TYW1B: variants seen among roughly 807,000 people sequenced by gnomAD.
TYW1B encodes the protein S-adenosyl-L-methionine-dependent tRNA 4-demethylwyosine synthase TYW1B.
A neutral mutation model predicts 86.9 loss-of-function variants in TYW1B; 73 were observed. The observed-to-expected ratio is 0.84, with a 90% confidence interval of 0.70 to 1.02. The LOEUF is 1.02. TYW1B is among the 50% of genes least tolerant of loss of function. The probability of loss-of-function intolerance (pLI) is 0.00; values close to 1 mark genes in which losing one functional copy is unlikely to be tolerated. For missense variants in TYW1B, 637 were observed against 827.4 expected (o/e 0.77, Z 2.82); for synonymous variants, 248 against 292.8 (o/e 0.85, Z 1.56).
At chr7:72,640,090 AAAAT>A (rs1782858343) in intron 11 of TYW1B, among the ~76,000 whole-genome samples, 1 of 152,228 alleles carries the variant, frequency 6.6e-6, no homozygotes, top group Non-Finnish European at 1.5e-5. Context: ...CAATAATAAA[AAAAT>A]AAATATTAAA....
At chr7:72,590,849 T>A (rs1402218159) in intron 13 of TYW1B, among the ~76,000 whole-genome samples, 2 of 152,056 alleles carry the variant, frequency 1.3e-5, no homozygotes, top group Non-Finnish European at 2.9e-5. Context: ...CAACAGAAAC[T>A]GACCCTGAGA....
chr7:72,767,284 C>T (rs1787786801), intron 7 of TYW1B, among the ~76,000 whole-genome samples: 1 of 152,176 alleles, frequency 6.6e-6, no homozygotes, highest in Non-Finnish European at 1.5e-5. Context: ...AAAACAATTA[C>T]ATAATCCTCC....
intron 12 of TYW1B, 101 bp downstream of exon 12, chr7:72,628,786 G>T: frequency 1.3e-6 from 1 of 792,282 alleles, no homozygotes; most frequent in Non-Finnish European, 2.0e-6. Flanking sequence ...AAAATTCCTG[G>T]GACCTCTAGA....
At chr7:72,812,834 T>A (rs1436593269) in intron 3 of TYW1B, among the ~76,000 whole-genome samples, 3 of 151,836 alleles carry the variant, frequency 2.0e-5, no homozygotes, top group Admixed American at 2.0e-4. Context: ...TAGCTGGGAC[T>A]ACAGGCGTGC....
chr7:72,825,304 G>T (rs1204691011), intron 2 of TYW1B, among the ~76,000 whole-genome samples: 3 of 152,066 alleles, frequency 2.0e-5, no homozygotes, highest in African/African-American at 7.2e-5. Context: ...CTTTCAACTA[G>T]ATATCAGCTG....
chr7:72,669,014 TAC>T (rs1813529474), intron 11 of TYW1B, among the ~76,000 whole-genome samples: 1 of 151,614 alleles, frequency 6.6e-6, no homozygotes, highest in South Asian at 2.1e-4. Context: ...TGAAATATAC[TAC>T]ACACAAAGCA....
intron 11 of TYW1B, among the ~76,000 whole-genome samples, chr7:72,677,952 T>C (rs1412137852): frequency 6.6e-6 from 1 of 152,102 alleles, no homozygotes; most frequent in Non-Finnish European, 1.5e-5. Flanking sequence ...TCCACCCACC[T>C]CAGTCTCCAA....
intron 11 of TYW1B, among the ~76,000 whole-genome samples, chr7:72,669,088 C>T (rs1480102457): frequency 7.1e-6 from 1 of 140,642 alleles, no homozygotes; most frequent in African/African-American, 2.6e-5. Context: ...GTCATTTATA[C>T]ACAAAAATTA....
At chr7:72,794,769 G>A (rs1293402698) in intron 6 of TYW1B, among the ~76,000 whole-genome samples, 6 of 151,386 alleles carry the variant, frequency 4.0e-5, no homozygotes, top group African/African-American at 7.3e-5. Flanking sequence ...AGGAGAGTGA[G>A]CACAAAGACC....
chr7:72,813,456 G>A (rs1341960819), intron 3 of TYW1B, among the ~76,000 whole-genome samples: 4 of 152,224 alleles, frequency 2.6e-5, no homozygotes, highest in African/African-American at 9.6e-5. Flanking sequence ...GATTACAGGC[G>A]TGGGCCACCA....
At chr7:72,792,477 G>C (rs1788237045) in intron 6 of TYW1B, among the ~76,000 whole-genome samples, 2 of 152,182 alleles carry the variant, frequency 1.3e-5, no homozygotes, top group South Asian at 4.1e-4. Context: ...GACAAGATTT[G>C]AAAGATTGGT....
chr7:72,736,579 T>C (rs782658652), intron 8 of TYW1B, among the ~76,000 whole-genome samples: 3 of 152,148 alleles, frequency 2.0e-5, no homozygotes, highest in Non-Finnish European at 4.4e-5. Context: ...TTTAAACGTT[T>C]TGTCATTCCC....
intron 6 of TYW1B, among the ~76,000 whole-genome samples, chr7:72,796,759 T>C (rs1309148406): frequency 6.6e-6 from 1 of 150,424 alleles, no homozygotes; most frequent in African/African-American, 2.4e-5. Context: ...CCCTTTATCA[T>C]AAGGAATGCT....
In TYW1B at chr7:72,730,593, A is replaced by G. The variant is rs1203587213; in HGVS notation, c.1083-1662T>C. On this transcript the variant is annotated intron_variant, in intron 8 of 13. Transcript: ENST00000620995. ...AAAAGAAAAAGAAAAGGAAAAGAAGAAGGAGGAGGAAGAGGAGAAGAAGAG... is the reference window on the plus strand; with the variant it reads ...AAAAGAAAAAGAAAAGGAAAAGAAGGAGGAGGAGGAAGAGGAGAAGAAGAG... Among the ~76,000 whole-genome samples, 5 of 150,662 alleles carry G rather than the reference A, an allele frequency of 3.3e-5. No homozygotes were observed. In the South Asian group the frequency reaches 6.3e-4, roughly 19 times the overall value.
rs372209209 is a variant in TYW1B, at chr7:72,753,536, A to T, written c.965-8935T>A. On this transcript the variant is annotated intron_variant, in intron 7 of 13. Transcript: ENST00000620995. ...TGCTCTGTTGCCCAGCCTGGAGTGC[A>T]GTGGCACAATCTTGGCTCACTGCAA... Among the ~76,000 whole-genome samples, 5 of 145,432 alleles carry T rather than the reference A, an allele frequency of 3.4e-5. No individual in the cohort carries two copies. In the East Asian group the frequency reaches 5.9e-4, roughly 17 times the overall value.
intron 13 of TYW1B, among the ~76,000 whole-genome samples, chr7:72,582,286 C>T (rs1811174041): frequency 1.3e-5 from 2 of 152,160 alleles, no homozygotes; most frequent in South Asian, 4.2e-4. Flanking sequence ...GTCTGAGGCA[C>T]ATTATAGCGA....
chr7:72,636,264 C>T (rs1257405793), intron 11 of TYW1B, among the ~76,000 whole-genome samples: 18 of 152,120 alleles, frequency 1.2e-4, no homozygotes, highest in Middle Eastern at 3.4e-3. Flanking sequence ...AGCTGGTATA[C>T]AGAAATATAA....
At position 72,807,098 on chromosome 7, in the gene TYW1B, C is replaced by G. The variant is rs782009089; in HGVS notation, c.691G>C (p.Glu231Gln). ...GSEEREEGSQ[E>Q]QDELHHRDTK... ...TCTCTGTGATGCAATTCGTCCTGCT[C>G]TTGAGATCCTTCCTCCCTCTCCTCT... The change falls in exon 5 of 14, where the codon GAG (glutamate) becomes CAG (glutamine). Residue 231 changes from glutamate (E) to glutamine (Q), a missense_variant. Glu to Gln is a conservative substitution (Grantham distance 29). Transcript: ENST00000620995. 1.9e-6 allele frequency: 3 copies of G among 1,614,158 alleles called. No homozygotes were observed. Among genetic ancestry groups the G allele is most frequent in the Non-Finnish European group, 1.7e-6 (2 of 1,180,024 alleles).
chr7:72,701,701 G>A (rs1419430613), intron 10 of TYW1B, among the ~76,000 whole-genome samples: 1 of 152,112 alleles, frequency 6.6e-6, no homozygotes, highest in Non-Finnish European at 1.5e-5. Context: ...TGTTTGTTGT[G>A]TTTATTTTTG....
Sources: allele counts gnomAD v4.1 joint callset (sites outside exome capture counted in the v4.1 genomes callset), GRCh38; gene constraint gnomAD v4.1.1; transcripts MANE v1.5; gene names NCBI Gene and HGNC (gene_info 2026-07-23, HGNC 2026-07-21).